CLUL1: variants seen among roughly 807,000 people sequenced by gnomAD.
The protein encoded by CLUL1 is clusterin like 1, also known as clusterin-like protein 1.
Under a neutral mutation model 49.4 loss-of-function variants are expected in CLUL1, and 43 were observed. The observed-to-expected ratio is 0.87, with a 90% CI of 0.68 to 1.12. CLUL1 has a LOEUF of 1.12. Among genes scored for constraint, CLUL1 ranks in the 50% most tolerant of loss-of-function variants. The pLI is 0.00. For missense variants in CLUL1, 486 were observed against 544.4 expected (o/e 0.89, Z 1.07); for synonymous variants, 192 against 184.9 (o/e 1.04, Z -0.31).
intron 5 of CLUL1, among the ~76,000 whole-genome samples, chr18:626,813 A>G (rs1040610291): frequency 3.4e-5 from 5 of 146,844 alleles, no homozygotes; most frequent in Non-Finnish European, 7.4e-5. Flanking sequence ...GTGAGCCGAG[A>G]TGGTGCCATT....
At chr18:648,952 G>A (rs2074596262) in intron 9 of CLUL1, among the ~76,000 whole-genome samples, 1 of 151,926 alleles carries the variant, frequency 6.6e-6, no homozygotes, top group African/African-American at 2.4e-5. Flanking sequence ...GCCACTGCCT[G>A]GCCTGGCATT....
In CLUL1 at chr18:641,552, G is replaced by GC; in HGVS notation, c.1209+11_1209+12insC. ...TTTAATTCAATACAGGTAAAGGAGA[G>GC]ACCCAAGAGCAGATACGGAAATGAC... On this transcript the variant is annotated intron_variant, in intron 8 of 9. Coordinates refer to ENST00000692774, the MANE Select transcript of CLUL1 (RefSeq NM_001393344.1). The GC allele has an allele frequency of 6.2e-7, 1 of 1,609,306 alleles. No homozygotes were observed. Among genetic ancestry groups the GC allele is most frequent in the Non-Finnish European group, 8.5e-7 (1 of 1,175,890 alleles).
At chr18:613,030 A>G (rs1291892151) in intron 2 of CLUL1, 1 of 309,760 alleles carries the variant, frequency 3.2e-6, no homozygotes, top group Admixed American at 5.0e-5. Flanking sequence ...GAAGTGGAAT[A>G]TAATTTTCTC....
chr18:634,019 C>T (rs750537794), intron 7 of CLUL1, among the ~76,000 whole-genome samples: 4 of 152,214 alleles, frequency 2.6e-5, no homozygotes, highest in Non-Finnish European at 4.4e-5. Flanking sequence ...GTATTCTGGA[C>T]AGAGGACAAA....
chr18:609,673 A>G (rs1019928471), intron 2 of CLUL1, among the ~76,000 whole-genome samples: 4 of 152,088 alleles, frequency 2.6e-5, no homozygotes, highest in Non-Finnish European at 5.9e-5. Flanking sequence ...AAAATAAAAA[A>G]GTTAGCCTGG....
intron 7 of CLUL1, among the ~76,000 whole-genome samples, chr18:633,718 C>T (rs184856481): frequency 1.3e-5 from 2 of 152,070 alleles, no homozygotes; most frequent in African/African-American, 4.8e-5. Flanking sequence ...ACAGGCTAGA[C>T]TAATTCCCAT....
chr18:640,635 T>A (rs2074318552), intron 7 of CLUL1, among the ~76,000 whole-genome samples: 1 of 152,224 alleles, frequency 6.6e-6, no homozygotes, highest in African/African-American at 2.4e-5. Flanking sequence ...TTGGTCTATG[T>A]AGGCATATCA....
In CLUL1 at chr18:597,136, A is replaced by C. The variant is rs2072672151; in HGVS notation, c.-136+7A>C. ...CGCATCTTAGGAATGACAGGTGAGA[A>C]CATCCTCCGGGCCCCAGATTTCTCT... On this transcript the variant is annotated splice_region_variant and intron_variant, in intron 1 of 9. Transcript: ENST00000692774. The C allele has an allele frequency of 6.5e-6, 1 of 152,816 alleles. No homozygotes were observed. The highest frequency in any genetic ancestry group is 2.4e-5 in the African/African-American group (1 of 41,452). 9.5% of individuals were successfully genotyped at this position (152,816 alleles called of 1,614,324 possible). A position where few individuals can be genotyped will look rare whatever the true frequency, so the allele number is the denominator to read the frequency against.
At chr18:598,244 G>T (rs942249069) in intron 1 of CLUL1, 1 of 282,220 alleles carries the variant, frequency 3.5e-6, no homozygotes. Context: ...AACTACCATG[G>T]GAAATGAATG....
Position 650,006 on chromosome 18 carries a change from A to C in CLUL1, c.*105A>C. 1 of 800,206 alleles carries C rather than the reference A, an allele frequency of 1.2e-6. No individual in the cohort carries two copies. The highest frequency in any genetic ancestry group is 1.7e-5 in the South Asian group (1 of 59,822). The allele number at this position is 800,206 out of a possible 1,614,324, so 49.6% of individuals were successfully genotyped here. On this transcript the variant is annotated 3_prime_UTR_variant, in exon 10 of 10. Coordinates refer to ENST00000692774, the MANE Select transcript of CLUL1 (RefSeq NM_001393344.1). Reference sequence around the variant, plus strand: ...TAATGCAATAAACACAGTTGCAGGAAAGTATGTTAGCTATATACTATGAAG... The same window carrying C: ...TAATGCAATAAACACAGTTGCAGGACAGTATGTTAGCTATATACTATGAAG...
rs1475885720 is a variant in CLUL1, at chr18:645,838, T to A, written c.1397+741T>A. Among the ~76,000 whole-genome samples the A allele has an allele frequency of 1.0e-3, 118 of 116,696 alleles. 8 individuals carry two copies. Among genetic ancestry groups the A allele is most frequent in the African/African-American group, 3.2e-3 (95 of 29,676 alleles). The allele number at this position is 116,696 out of a possible 152,430, so 76.6% of individuals were successfully genotyped here. A position where few individuals can be genotyped will look rare whatever the true frequency, so the allele number is the denominator to read the frequency against. On this transcript the variant is annotated intron_variant, in intron 9 of 9. Coordinates refer to ENST00000692774, the MANE Select transcript of CLUL1 (RefSeq NM_001393344.1). ...ATATATATATATATATATATATATA[T>A]ATATATATATATATGTTAAACATAC... is the stretch of plus-strand genomic sequence containing the variant.
chr18:645,908 A>G (rs1242843123), intron 9 of CLUL1, among the ~76,000 whole-genome samples: 4 of 145,602 alleles, frequency 2.7e-5, no homozygotes, highest in African/African-American at 1.0e-4. Context: ...GATTATGACT[A>G]AATACACTCA....
In CLUL1 at chr18:624,962, C is replaced by A; in HGVS notation, c.353C>A (p.Ser118Tyr). The change falls in exon 5 of 10, where the codon TCT becomes TAT. Residue 118 changes from serine (S) to tyrosine (Y), a missense_variant. Coordinates refer to ENST00000692774, the MANE Select transcript of CLUL1 (RefSeq NM_001393344.1). Reference sequence around the variant, plus strand: ...GCAGATTCCTGGGGTGAATGCAGGTCTTGCCTGGAAAATAACTGCATGAGA... The same window carrying A: ...GCAGATTCCTGGGGTGAATGCAGGTATTGCCTGGAAAATAACTGCATGAGA... Reference protein sequence around the residue: ...SLADSWGECRSCLENNCMRIY... With the variant: ...SLADSWGECRYCLENNCMRIY... 3 of 1,614,102 alleles carry A rather than the reference C, an allele frequency of 1.9e-6. No individual in the cohort carries two copies. The highest frequency in any genetic ancestry group is 2.5e-6 in the Non-Finnish European group (3 of 1,179,992).
At chr18:638,421 G>A (rs2074222032) in intron 7 of CLUL1, among the ~76,000 whole-genome samples, 2 of 152,126 alleles carry the variant, frequency 1.3e-5, no homozygotes, top group African/African-American at 4.8e-5. Context: ...ACCAGATAAT[G>A]GACACAGTAT....
chr18:598,507 C>A, intron 1 of CLUL1: 1 of 398,576 alleles, frequency 2.5e-6, no homozygotes, highest in South Asian at 1.3e-4. Flanking sequence ...TAGGCAGTAT[C>A]AGCTAATGAG....
intron 4 of CLUL1, among the ~76,000 whole-genome samples, chr18:623,594 G>GAGA (rs2073573385): frequency 2.1e-5 from 3 of 145,128 alleles, no homozygotes; most frequent in Admixed American, 7.2e-5. Flanking sequence ...GCAGTGAGCT[G>GAGA]AGATTGCACC....
intron 6 of CLUL1, among the ~76,000 whole-genome samples, chr18:632,040 C>A (rs556030795): frequency 6.6e-6 from 1 of 152,200 alleles, no homozygotes; most frequent in East Asian, 1.9e-4. Context: ...CAATTTATCT[C>A]AAAATAAAAC....
At chr18:639,759 T>C (rs2074284665) in intron 7 of CLUL1, among the ~76,000 whole-genome samples, 1 of 151,848 alleles carries the variant, frequency 6.6e-6, no homozygotes, top group South Asian at 2.1e-4. Context: ...AGTGATACTC[T>C]GTCTCAAACA....
intron 1 of CLUL1, among the ~76,000 whole-genome samples, chr18:604,562 C>G (rs953303682): frequency 2.0e-5 from 3 of 152,188 alleles, no homozygotes; most frequent in Non-Finnish European, 4.4e-5. Context: ...TACATACACA[C>G]ACTTTATTAA....
Sources: gnomAD v4.1 joint callset for allele counts (sites outside exome capture counted in the v4.1 genomes callset) on GRCh38, gnomAD v4.1.1 for gene constraint, MANE v1.5 for transcripts, NCBI Gene and HGNC (gene_info 2026-07-23, HGNC 2026-07-21) for gene names.